TRPM5: variants seen among roughly 807,000 people sequenced by gnomAD.
TRPM5 encodes transient receptor potential cation channel subfamily M member 5.
TRPM5 carries 121 observed loss-of-function variants against 124.9 expected under a neutral mutation model. The ratio of observed to expected loss-of-function variants is 0.97; its 90% confidence interval spans 0.84 to 1.13. The LOEUF is 1.13. TRPM5 is among the 50% of genes most tolerant of loss of function. TRPM5 has a pLI of 0.00. For missense variants in TRPM5, 1,643 were observed against 1,589.1 expected, an observed-to-expected ratio of 1.03 and a Z score of -0.58; for synonymous variants, 781 against 700.5, an observed-to-expected ratio of 1.11 and a Z score of -1.81.
chr11:2,413,516 G>C, exon 13 of TRPM5: 1 of 1,612,460 alleles, frequency 6.2e-7, no homozygotes, highest in South Asian at 1.1e-5. Flanking sequence ...GCGGGGCAGA[G>C]GAAGGCTCCT....
chr11:2,422,385 G>A (rs1441681264), intron 1 of TRPM5, 64 bp from the exon 7 acceptor site: 5 of 1,448,104 alleles, frequency 3.5e-6, no homozygotes, highest in African/African-American at 1.4e-5. Flanking sequence ...CTGGGCATTG[G>A]GGGGGGCTGG....
chr11:2,404,068 G>A (rs1356044194), downstream of TRPM5, among the ~76,000 whole-genome samples: 1 of 152,204 alleles, frequency 6.6e-6, no homozygotes, highest in Non-Finnish European at 1.5e-5. Flanking sequence ...AGTGGCAGGT[G>A]TCCAGTGAGT....
chr11:2,417,980 C>T (rs540035743), intron 6 of TRPM5, 151 bp from the exon 12 acceptor site: 17 of 986,866 alleles, frequency 1.7e-5, no homozygotes, highest in South Asian at 7.9e-5. Flanking sequence ...GGCCTGGGAC[C>T]ACCCGCAGAC....
chr11:2,428,393 T>G, the TRPM5 span, among the ~76,000 whole-genome samples: 1 of 152,120 alleles, frequency 6.6e-6, no homozygotes, highest in African/African-American at 2.4e-5. This position sits in a 1 kb window ranked among gnomAD's most constrained non-coding sequence, Gnocchi z 4.0. Flanking sequence ...CAGAGGGCGC[T>G]AAAGGACCAT....
chr11:2,407,156 GA>G lies in TRPM5; in HGVS notation c.3080del (p.Val1027AlafsTer37). On this transcript the variant is annotated frameshift_variant, in exon 20 of 24. Transcript: ENST00000155858. LOFTEE classifies it high-confidence loss of function. ...GCTTGTGCTCAGCCTCCTTCTTGAA[GA>G]CCCGGCGGAGCGTCAGGCTCAGGTG... is the stretch of plus-strand genomic sequence containing the variant. The G allele has an allele frequency of 1.9e-6, 3 of 1,609,838 alleles. No individual in the cohort carries two copies. The highest frequency in any genetic ancestry group is 1.7e-4 in the Middle Eastern group (1 of 5,748).
chr11:2,444,321 A>G, the TRPM5 span, among the ~76,000 whole-genome samples: 1 of 149,082 alleles, frequency 6.7e-6, no homozygotes, highest in East Asian at 2.0e-4. Flanking sequence ...CCTCCCCCCA[A>G]CCCCAACTCC....
exon 2 of TRPM5, chr11:2,422,169 C>G (rs749036547): frequency 6.2e-7 from 1 of 1,611,320 alleles, no homozygotes; most frequent in Non-Finnish European, 8.5e-7. Context: ...TCACCAGCCC[C>G]TTGCGCAGCA....
At chr11:2,431,554 C>G in the TRPM5 span, among the ~76,000 whole-genome samples, 1 of 152,174 alleles carries the variant, frequency 6.6e-6, no homozygotes, top group Non-Finnish European at 1.5e-5. Flanking sequence ...CCCAGCCACC[C>G]CTGGTTCAGT....
exon 18 of TRPM5, chr11:2,411,400 G>A (rs767794207): frequency 8.7e-6 from 14 of 1,611,492 alleles, no homozygotes; most frequent in East Asian, 2.2e-5. Context: ...AGGTAGGGCC[G>A]GTAGAGCACC....
At chr11:2,413,393 C>T (rs1483345292) in intron 13 of TRPM5, 83 bp downstream of exon 18, 3 of 1,383,142 alleles carry the variant, frequency 2.2e-6, no homozygotes, top group South Asian at 1.3e-5. Flanking sequence ...ACCACCAGCA[C>T]CTGCGAGGCC....
chr11:2,435,580 T>TCC, the TRPM5 span, among the ~76,000 whole-genome samples: 7 of 145,522 alleles, frequency 4.8e-5, no homozygotes, highest in African/African-American at 1.8e-4. The surrounding 1 kb of genome is among the most constrained non-coding windows in gnomAD (Gnocchi z 4.1). Context: ...TCCATCTGTC[T>TCC]GTCCATCCAT....
the TRPM5 span, among the ~76,000 whole-genome samples, chr11:2,430,668 G>A: frequency 6.6e-6 from 1 of 151,772 alleles, no homozygotes; most frequent in East Asian, 1.9e-4. Context: ...AGTGTTGATG[G>A]TGGTGGTGGT....
Position 2,422,136 on chromosome 11 carries a change from C to T in TRPM5, c.298+5G>A. On this transcript the variant is annotated splice_donor_5th_base_variant and intron_variant, in intron 2 of 23. Coordinates refer to ENST00000155858, the Ensembl canonical transcript of TRPM5. The stretch of plus-strand genomic sequence containing the variant: ...GAGCGCTGCCTGTGCCGGGTGGGGC[C>T]TCACCTGTGCTCTGAGCCGCCTTCA... 1 of 1,582,868 alleles carries T rather than the reference C, an allele frequency of 6.3e-7. No homozygotes were observed. Among genetic ancestry groups the T allele is most frequent in the Non-Finnish European group, 8.6e-7 (1 of 1,164,066 alleles).
At chr11:2,409,353 A>G (rs922176740) in intron 18 of TRPM5, among the ~76,000 whole-genome samples, 3 of 151,966 alleles carry the variant, frequency 2.0e-5, no homozygotes, top group Admixed American at 6.6e-5. Context: ...GAAGCCGTAA[A>G]TCTGTCTGAT....
intron 4 of TRPM5, among the ~76,000 whole-genome samples, chr11:2,419,622 CAAA>C (rs3986606): frequency 2.4e-5 from 3 of 126,950 alleles, no homozygotes; most frequent in South Asian, 2.6e-4. Context: ...GATTCTGCCT[CAAA>C]AAAAAAAAAA....
At chr11:2,418,034 G>T in intron 6 of TRPM5, 133 bp downstream of exon 11, 1 of 996,384 alleles carries the variant, frequency 1.0e-6, no homozygotes, top group Non-Finnish European at 1.5e-6. Flanking sequence ...GGCCTGAAGC[G>T]AGAGTGGGTG....
intron 18 of TRPM5, among the ~76,000 whole-genome samples, chr11:2,409,243 A>G (rs1231568686): frequency 6.6e-6 from 1 of 151,366 alleles, no homozygotes; most frequent in Middle Eastern, 3.2e-3. Flanking sequence ...CGCCCTGGCC[A>G]CCTCCAGCCC....
chr11:2,404,843 G>C lies in TRPM5; in HGVS notation c.*94C>G, dbSNP rs1850280467. 1.6e-5 allele frequency: 17 copies of C among 1,059,738 alleles called. No homozygotes were observed. The South Asian group carries it at 1.9e-4, about 12-fold the overall frequency. 65.6% of individuals were successfully genotyped at this position (1,059,738 alleles called of 1,614,324 possible). A position where few individuals can be genotyped will look rare whatever the true frequency, so the allele number is the denominator to read the frequency against. Reference sequence around the variant, plus strand: ...GTCTGCTGGGGGGCTGGTGCCCCCTGGGGGGTTCCGCTGGAGGTCGGCAAA... The same window carrying C: ...GTCTGCTGGGGGGCTGGTGCCCCCTCGGGGGTTCCGCTGGAGGTCGGCAAA... On this transcript the variant is annotated 3_prime_UTR_variant, in exon 24 of 24. Transcript: ENST00000155858.
At chr11:2,421,814 G>A (rs1245217066) in intron 2 of TRPM5, among the ~76,000 whole-genome samples, 1 of 152,204 alleles carries the variant, frequency 6.6e-6, no homozygotes, top group African/African-American at 2.4e-5. Flanking sequence ...GCGGCCCATG[G>A]GCCCTGCTAG....
Sources: allele counts gnomAD v4.1 joint callset (sites outside exome capture counted in the v4.1 genomes callset), GRCh38; gene constraint gnomAD v4.1.1; non-coding constraint Gnocchi (gnomAD v3.1); transcripts MANE v1.5; gene names NCBI Gene and HGNC (gene_info 2026-07-23, HGNC 2026-07-21).